CNTNAP2: variants seen among roughly 807,000 people sequenced by gnomAD.
CNTNAP2 encodes contactin-associated protein-like 2.
CNTNAP2 carries 98 observed loss-of-function variants against 155.2 expected under a neutral mutation model. The ratio of observed to expected loss-of-function variants is 0.63; its 90% CI spans 0.54 to 0.75. The LOEUF (loss-of-function observed/expected upper bound fraction) is 0.75. CNTNAP2 is among the 30% of genes least tolerant of loss of function. The pLI is 0.00. For synonymous variants in CNTNAP2, 651 were observed against 631.2 expected (o/e 1.03, Z -0.47); for missense variants, 1,727 against 1,688.1 (o/e 1.02, Z -0.40).
At chr7:147,183,018 C>T (rs1314074142) in intron 8 of CNTNAP2, among the ~76,000 whole-genome samples, 3 of 152,016 alleles carry the variant, frequency 2.0e-5, no homozygotes, top group Non-Finnish European at 4.4e-5. Context: ...AATCTAATTT[C>T]ATCACTGGAA....
chr7:147,954,620 T>C (rs1299048201), intron 14 of CNTNAP2, among the ~76,000 whole-genome samples: 2 of 152,236 alleles, frequency 1.3e-5, no homozygotes, highest in African/African-American at 4.8e-5. Flanking sequence ...AGCATAGTTA[T>C]TTTCAGCCAA....
intron 1 of CNTNAP2, among the ~76,000 whole-genome samples, chr7:146,309,984 C>T (rs1230498839): frequency 1.3e-5 from 2 of 152,108 alleles, no homozygotes; most frequent in Admixed American, 1.3e-4. Context: ...GCAATTGTGA[C>T]ATAGAGTTAG....
chr7:148,288,008 T>G (rs1260159858), intron 21 of CNTNAP2, among the ~76,000 whole-genome samples: 1 of 151,858 alleles, frequency 6.6e-6, no homozygotes, highest in Non-Finnish European at 1.5e-5. Context: ...GCCAGGATGG[T>G]CTCAATCTCT....
At chr7:147,578,134 G>C (rs971770656) in intron 12 of CNTNAP2, among the ~76,000 whole-genome samples, 1 of 151,944 alleles carries the variant, frequency 6.6e-6, no homozygotes, top group Non-Finnish European at 1.5e-5. Context: ...TCATTACATT[G>C]CCTATCTGCA....
At position 146,392,264 on chromosome 7, in the gene CNTNAP2, T is replaced by G. The variant is rs572642305; in HGVS notation, c.97+275291T>G. Among the ~76,000 whole-genome samples, 26 of 152,290 alleles carry G rather than the reference T, an allele frequency of 1.7e-4. 1 individual carries two copies. The East Asian group carries it at 4.8e-3, about 28-fold the overall frequency. On this transcript the variant is annotated intron_variant, in intron 1 of 23. Transcript: ENST00000361727. ...AATACATGCCAATGACTTATGACAT[T>G]AATAAATTTTATGATTTCTGTAATA...
At chr7:147,697,336 T>G (rs1796176344) in intron 13 of CNTNAP2, among the ~76,000 whole-genome samples, 1 of 152,226 alleles carries the variant, frequency 6.6e-6, no homozygotes, top group Admixed American at 6.5e-5. Context: ...AAAAAATTCC[T>G]TTTCTGATAA....
chr7:148,415,626 A>G lies in CNTNAP2; in HGVS notation c.*10A>G, dbSNP rs559734240. On this transcript the variant is annotated 3_prime_UTR_variant, in exon 24 of 24. Coordinates refer to ENST00000361727, the MANE Select transcript of CNTNAP2 (RefSeq NM_014141.6). Reference sequence around the variant, plus strand: ...GGAATGGCTCATTTGAGGGGTGGCTACTTGGCTATGGGATAGGGAGGAGGG... The same window carrying G: ...GGAATGGCTCATTTGAGGGGTGGCTGCTTGGCTATGGGATAGGGAGGAGGG... 1.2e-6 allele frequency: 2 copies of G among 1,614,190 alleles called. No individual in the cohort carries two copies. Among genetic ancestry groups the G allele is most frequent in the African/African-American group, 1.3e-5 (1 of 75,074 alleles).
At chr7:148,023,133 C>T (rs183440681) in intron 15 of CNTNAP2, among the ~76,000 whole-genome samples, 28 of 152,246 alleles carry the variant, frequency 1.8e-4, no homozygotes, top group Middle Eastern at 3.4e-3. Flanking sequence ...CCGCAGCTCC[C>T]ATAGGTCCTC....
intron 10 of CNTNAP2, among the ~76,000 whole-genome samples, chr7:147,473,427 C>A (rs1240282887): frequency 6.6e-6 from 1 of 152,106 alleles, no homozygotes; most frequent in East Asian, 1.9e-4. Context: ...AGAGACGCTC[C>A]TTTCAAATAG....
intron 1 of CNTNAP2, among the ~76,000 whole-genome samples, chr7:146,636,982 T>C (rs1379578168): frequency 2.6e-5 from 4 of 152,208 alleles, no homozygotes; most frequent in Admixed American, 2.0e-4. Flanking sequence ...GACACACGCA[T>C]ATAAATTGCG....
chr7:147,874,437 T>C (rs2080154), intron 13 of CNTNAP2, among the ~76,000 whole-genome samples: 86,849 of 152,166 alleles, frequency 0.57, 25,365 homozygotes, highest in African/African-American at 0.69. Flanking sequence ...AAGCTTGGGG[T>C]TTGTGCCCTC....
chr7:147,281,826 AT>A (rs1290860109), intron 8 of CNTNAP2, among the ~76,000 whole-genome samples: 1 of 151,744 alleles, frequency 6.6e-6, no homozygotes, highest in Non-Finnish European at 1.5e-5. Flanking sequence ...TTTTTGGCCA[AT>A]CCACTCTTAG....
chr7:147,103,899 G>A (rs1168373598), intron 4 of CNTNAP2, among the ~76,000 whole-genome samples: 1 of 152,046 alleles, frequency 6.6e-6, no homozygotes. Flanking sequence ...TGCTCTTCTA[G>A]AGGGTCAAGG....
At chr7:146,405,919 C>T (rs960902857) in intron 1 of CNTNAP2, among the ~76,000 whole-genome samples, 1 of 152,080 alleles carries the variant, frequency 6.6e-6, no homozygotes, top group African/African-American at 2.4e-5. Context: ...CAACTGGGAG[C>T]AAATAATATT....
chr7:146,527,484 C>CTGTTCAGGACAGAGTTTCTTAA (rs1167441815), intron 1 of CNTNAP2, among the ~76,000 whole-genome samples: 2 of 152,076 alleles, frequency 1.3e-5, no homozygotes, highest in African/African-American at 4.8e-5. Context: ...GAATATCAGG[C>CTGTTCAGGACAGAGTTTCTTAA]TCAATGTCAT....
At chr7:148,029,351 A>AT (rs964859566) in intron 15 of CNTNAP2, among the ~76,000 whole-genome samples, 1 of 152,006 alleles carries the variant, frequency 6.6e-6, no homozygotes, top group African/African-American at 2.4e-5. Flanking sequence ...AAAATATGGA[A>AT]TTTTTTTTCT....
At chr7:146,877,481 G>A (rs973352905) in intron 3 of CNTNAP2, among the ~76,000 whole-genome samples, 1 of 150,872 alleles carries the variant, frequency 6.6e-6, no homozygotes, top group Admixed American at 6.6e-5. Flanking sequence ...CTCCAGCCAG[G>A]GTAACAGAAC....
intron 1 of CNTNAP2, among the ~76,000 whole-genome samples, chr7:146,297,637 AT>A (rs1331867210): frequency 6.6e-6 from 1 of 152,184 alleles, no homozygotes; most frequent in African/African-American, 2.4e-5. Flanking sequence ...TAAGGATTCC[AT>A]GTAGGTAATA....
At chr7:148,014,564 T>C (rs1308901650) in intron 15 of CNTNAP2, among the ~76,000 whole-genome samples, 1 of 152,206 alleles carries the variant, frequency 6.6e-6, no homozygotes, top group African/African-American at 2.4e-5. Flanking sequence ...TAGCCAAGAA[T>C]GATAGCTCTG....
Sources: gnomAD v4.1 joint callset for allele counts (sites outside exome capture counted in the v4.1 genomes callset) on GRCh38, gnomAD v4.1.1 for gene constraint, MANE v1.5 for transcripts, NCBI Gene and HGNC (gene_info 2026-07-23, HGNC 2026-07-21) for gene names.